Variants in ROBO2 observed in about 807,000 individuals in gnomAD.
The protein encoded by ROBO2 is roundabout guidance receptor 2.
A neutral mutation model predicts 160.8 loss-of-function variants in ROBO2; 53 were observed. That is an observed-to-expected ratio of 0.33 (90% confidence interval 0.26 to 0.41). The LOEUF is 0.41. Among genes scored for constraint, ROBO2 ranks in the 10% least tolerant of loss-of-function variants. The probability of loss-of-function intolerance (pLI) is 1.00; values close to 1 mark genes in which losing one functional copy is unlikely to be tolerated. For synonymous variants in ROBO2, 664 were observed against 611.7 expected (o/e 1.09, Z -1.26); for missense variants, 1,577 against 1,722.4 (o/e 0.92, Z 1.49).
intron 2 of ROBO2, among the ~76,000 whole-genome samples, chr3:76,048,145 G>A (rs2067511766): frequency 1.3e-5 from 2 of 152,142 alleles, no homozygotes; most frequent in African/African-American, 4.8e-5. Flanking sequence ...AATGAAAAGT[G>A]GAGTAAATTG....
At chr3:77,260,181 G>T (rs1360510246) in intron 2 of ROBO2, among the ~76,000 whole-genome samples, 2 of 152,152 alleles carry the variant, frequency 1.3e-5, no homozygotes, top group African/African-American at 2.4e-5. Context: ...GTGGGTCCAT[G>T]TTATTCATGG....
At chr3:75,995,739 T>C (rs1253866034) in intron 2 of ROBO2, among the ~76,000 whole-genome samples, 5 of 152,130 alleles carry the variant, frequency 3.3e-5, no homozygotes, top group Non-Finnish European at 5.9e-5. Context: ...ACAAAAGCAG[T>C]TGGGAGAGGG....
chr3:76,083,154 T>C (rs2068889819), intron 2 of ROBO2, among the ~76,000 whole-genome samples: 2 of 152,090 alleles, frequency 1.3e-5, no homozygotes, highest in Non-Finnish European at 2.9e-5. Context: ...ACATCAGTTC[T>C]CTATCAGTCA....
intron 1 of ROBO2, among the ~76,000 whole-genome samples, chr3:75,926,854 G>A (rs925807582): frequency 7.9e-5 from 12 of 152,192 alleles, no homozygotes; most frequent in Admixed American, 2.0e-4. Flanking sequence ...AAGCTCAGTC[G>A]AACTTGGCAG....
intron 2 of ROBO2, among the ~76,000 whole-genome samples, chr3:77,424,912 T>C (rs2078036622): frequency 6.6e-6 from 1 of 152,154 alleles, no homozygotes; most frequent in Non-Finnish European, 1.5e-5. Flanking sequence ...CTTTCTGTAT[T>C]TGGTGTTGGC....
intron 2 of ROBO2, among the ~76,000 whole-genome samples, chr3:76,468,631 T>C (rs2078484269): frequency 6.6e-6 from 1 of 152,064 alleles, no homozygotes; most frequent in South Asian, 2.1e-4. Context: ...ACAATAATCA[T>C]ATCTCTCCTT....
intron 2 of ROBO2, among the ~76,000 whole-genome samples, chr3:76,779,384 T>C (rs932512583): frequency 3.3e-5 from 5 of 150,994 alleles, no homozygotes; most frequent in African/African-American, 7.3e-5. Flanking sequence ...AGATCTACCA[T>C]CTTAGCAAAT....
At chr3:76,975,031 T>C (rs149068614) in intron 2 of ROBO2, among the ~76,000 whole-genome samples, 1 of 152,284 alleles carries the variant, frequency 6.6e-6, no homozygotes, top group Admixed American at 6.5e-5. Context: ...AATGCAGACA[T>C]GCTTTAATAT....
At chr3:76,115,369 C>A (rs1470507391) in intron 2 of ROBO2, among the ~76,000 whole-genome samples, 2 of 152,058 alleles carry the variant, frequency 1.3e-5, no homozygotes, top group East Asian at 3.9e-4. Context: ...TAATTTCTAG[C>A]ATTTTAATTA....
At chr3:77,091,139 G>T (rs1233961845) in intron 1 of ROBO2, among the ~76,000 whole-genome samples, 1 of 152,040 alleles carries the variant, frequency 6.6e-6, no homozygotes, top group African/African-American at 2.4e-5. Context: ...GTTTGTAAAA[G>T]AAAAATAAAA....
At chr3:76,852,451 T>C (rs2069507975) in intron 2 of ROBO2, among the ~76,000 whole-genome samples, 1 of 152,170 alleles carries the variant, frequency 6.6e-6, no homozygotes, top group Admixed American at 6.5e-5. Context: ...CTCAGTATGT[T>C]CTAGCCGTGT....
At chr3:76,960,346 T>G (rs1396229469) in intron 2 of ROBO2, among the ~76,000 whole-genome samples, 1 of 152,132 alleles carries the variant, frequency 6.6e-6, no homozygotes, top group African/African-American at 2.4e-5. Context: ...TTATATTTCC[T>G]ATTGCTATGG....
chr3:77,247,723 T>C (rs1360083636), intron 2 of ROBO2, among the ~76,000 whole-genome samples: 2 of 152,220 alleles, frequency 1.3e-5, no homozygotes, highest in African/African-American at 4.8e-5. Context: ...TTATCATTCT[T>C]GCGGACCATT....
chr3:77,022,403 A>C (rs2149512296), intron 2 of ROBO2, among the ~76,000 whole-genome samples: 1 of 152,294 alleles, frequency 6.6e-6, no homozygotes, highest in Non-Finnish European at 1.5e-5. Context: ...ATGAACAAAT[A>C]AACAAAATCA....
At chr3:76,061,193 T>G (rs2068059372) in intron 2 of ROBO2, among the ~76,000 whole-genome samples, 1 of 152,220 alleles carries the variant, frequency 6.6e-6, no homozygotes, top group African/African-American at 2.4e-5. Flanking sequence ...AATGTAGTTA[T>G]CATTCCTAAA....
intron 2 of ROBO2, among the ~76,000 whole-genome samples, chr3:76,618,093 C>T (rs1018274538): frequency 9.2e-5 from 14 of 151,562 alleles, no homozygotes; most frequent in African/African-American, 2.9e-4. Context: ...TATACTTTGT[C>T]TCCAGTCACA....
chr3:76,069,258 G>A (rs2107945122), intron 2 of ROBO2, among the ~76,000 whole-genome samples: 1 of 152,246 alleles, frequency 6.6e-6, no homozygotes, highest in Middle Eastern at 3.4e-3. Flanking sequence ...TGGTTCTCCT[G>A]CAAGTTGGCC....
intron 2 of ROBO2, among the ~76,000 whole-genome samples, chr3:76,000,139 A>G (rs796404220): frequency 2.0e-5 from 3 of 152,262 alleles, no homozygotes; most frequent in African/African-American, 7.2e-5. Flanking sequence ...TTTGGGGCAG[A>G]GAGACCTTAA....
chr3:76,798,228 A>AAG (rs2063875006), intron 2 of ROBO2, among the ~76,000 whole-genome samples: 1 of 146,442 alleles, frequency 6.8e-6, no homozygotes, highest in South Asian at 2.2e-4. Flanking sequence ...AGAAAGAAAG[A>AAG]GAAAGAAAGA....
Sources: gnomAD v4.1 joint callset for allele counts (sites outside exome capture counted in the v4.1 genomes callset) on GRCh38, gnomAD v4.1.1 for gene constraint, MANE v1.5 for transcripts, NCBI Gene and HGNC (gene_info 2026-07-23, HGNC 2026-07-21) for gene names.